Variants in EML6 observed in about 807,000 individuals in gnomAD.
EML6 encodes echinoderm microtubule-associated protein-like 6.
A neutral mutation model predicts 240.1 loss-of-function variants in EML6; 154 were observed. The observed-to-expected ratio is 0.64, with a 90% CI of 0.56 to 0.73. The LOEUF is 0.73. Ranked by LOEUF, EML6 falls within the 30% of genes least tolerant of loss-of-function variation. EML6 has a pLI of 0.00. For missense variants in EML6, 2,964 were observed against 2,474.6 expected (o/e 1.20, Z -4.20); for synonymous variants, 1,148 against 899.0 (o/e 1.28, Z -4.95).
intron 2 of EML6, among the ~76,000 whole-genome samples, chr2:54,754,365 T>C (rs1356604041): frequency 6.6e-6 from 1 of 152,084 alleles, no homozygotes; most frequent in Admixed American, 6.5e-5. Context: ...GAACTGTAAG[T>C]TAGTACATTT....
In EML6 at chr2:54,847,605, T is replaced by A; in HGVS notation, c.1169T>A (p.Phe390Tyr). 6.4e-7 allele frequency: 1 copy of A among 1,552,348 alleles called. No individual in the cohort carries two copies. The highest frequency in any genetic ancestry group is 8.7e-7 in the Non-Finnish European group (1 of 1,147,138). The change falls in exon 9 of 42, where the codon TTC becomes TAC. Residue 390 changes from phenylalanine to tyrosine, a missense_variant. Physicochemically the swap from Phe to Tyr is conservative, Grantham distance 22. Coordinates refer to ENST00000356458, the MANE Select transcript of EML6 (RefSeq NM_001039753.4). ...GCCCTGGGCATGAAGGACGGCTCTT[T>A]CATTGTTCTCCGAGTCAGGCACGTA... ...QLALGMKDGS[F>Y]IVLRVRDMTE...
chr2:54,888,230 G>A lies in EML6; in HGVS notation c.2439-2824G>A, dbSNP rs149385722. The stretch of plus-strand genomic sequence containing the variant: ...TTGGATCTTATAATGCAGTGTGGCC[G>A]GGAGACATGATAGGACTGGATCATG... On this transcript the variant is annotated intron_variant, in intron 17 of 41. Transcript: ENST00000356458. Among the ~76,000 whole-genome samples the A allele has an allele frequency of 6.8e-4, 104 of 152,228 alleles. No individual in the cohort carries two copies. The Middle Eastern group carries it at 0.014, about 20-fold the overall frequency.
At chr2:54,885,113 C>T (rs1384134264) in intron 17 of EML6, among the ~76,000 whole-genome samples, 3 of 151,288 alleles carry the variant, frequency 2.0e-5, no homozygotes, top group African/African-American at 7.3e-5. Flanking sequence ...GCCCAGATTG[C>T]GCCACTGCAC....
At chr2:54,847,383 T>C in intron 8 of EML6, 103 bp from the exon 9 acceptor site, 1 of 1,254,816 alleles carries the variant, frequency 8.0e-7, no homozygotes, top group East Asian at 2.6e-5. Context: ...CCTATGTCTT[T>C]TCTTGTTACT....
intron 17 of EML6, chr2:54,880,425 C>T (rs1216647242): frequency 6.6e-6 from 1 of 152,196 alleles, no homozygotes; most frequent in Non-Finnish European, 1.5e-5. Flanking sequence ...TAGCCTTGAA[C>T]CCCAATATTC....
intron 2 of EML6, among the ~76,000 whole-genome samples, chr2:54,768,996 G>A (rs546507923): frequency 6.6e-6 from 1 of 152,268 alleles, no homozygotes; most frequent in South Asian, 2.1e-4. Flanking sequence ...TTGTCTGTAT[G>A]AGTTTCAGCT....
At position 54,928,716 on chromosome 2, in the gene EML6, A is replaced by G. The variant is rs1407326358; in HGVS notation, c.3969A>G (p.Pro1323=). 1 of 1,551,934 alleles carries G rather than the reference A, an allele frequency of 6.4e-7. No homozygotes were observed. The highest frequency in any genetic ancestry group is 8.7e-7 in the Non-Finnish European group (1 of 1,147,060). The change falls in exon 28 of 42, where the codon CCA becomes CCG. Residue 1323 remains proline (P), a synonymous_variant. Transcript: ENST00000356458. ...VSIREMEGTK[P]HQQLKEVSVE... ...TCAGGGAAATGGAAGGCACCAAGCC[A>G]CACCAGCAGCTGAAGGAAGTTTCCG...
At chr2:54,881,710 C>T (rs1671822111) in intron 17 of EML6, 1 of 151,344 alleles carries the variant, frequency 6.6e-6, no homozygotes, top group African/African-American at 2.4e-5. Flanking sequence ...CGAAGTAATC[C>T]TTAACGGAAT....
rs530711643 is a variant in EML6, at chr2:54,773,926, A to G, written c.198-39306A>G. Among the ~76,000 whole-genome samples the G allele has an allele frequency of 2.2e-3, 335 of 152,310 alleles. 1 individual carries two copies. Among genetic ancestry groups the G allele is most frequent in the Middle Eastern group, 0.014 (4 of 294 alleles). On this transcript the variant is annotated intron_variant, in intron 2 of 41. Transcript: ENST00000356458. Reference sequence around the variant, plus strand: ...GTTTCTGCTACATACCATCAATTCGATTTGATGACTGGCACAGGGCCTCCT... The same window carrying G: ...GTTTCTGCTACATACCATCAATTCGGTTTGATGACTGGCACAGGGCCTCCT...
intron 4 of EML6, among the ~76,000 whole-genome samples, chr2:54,817,679 G>C (rs922740845): frequency 6.6e-6 from 1 of 152,116 alleles, no homozygotes; most frequent in Non-Finnish European, 1.5e-5. Flanking sequence ...AATATCTTAA[G>C]AACGTTTACA....
At chr2:54,755,338 C>A (rs1684352970) in intron 2 of EML6, among the ~76,000 whole-genome samples, 1 of 152,172 alleles carries the variant, frequency 6.6e-6, no homozygotes, top group Non-Finnish European at 1.5e-5. Flanking sequence ...CTTGAGTATT[C>A]TGCGTCCTTT....
At chr2:54,765,462 T>C (rs1668144007) in intron 2 of EML6, among the ~76,000 whole-genome samples, 1 of 152,218 alleles carries the variant, frequency 6.6e-6, no homozygotes, top group Non-Finnish European at 1.5e-5. Flanking sequence ...TTCTTTTATT[T>C]TTATTTTTAT....
chr2:54,936,587 G>A (rs533680254), intron 28 of EML6, among the ~76,000 whole-genome samples: 22 of 152,252 alleles, frequency 1.4e-4, no homozygotes, highest in Admixed American at 8.5e-4. Context: ...ATGTTTTGAA[G>A]AGGATACAAT....
intron 2 of EML6, among the ~76,000 whole-genome samples, chr2:54,729,130 A>G (rs1027874816): frequency 2.6e-5 from 4 of 152,242 alleles, no homozygotes; most frequent in African/African-American, 9.6e-5. Flanking sequence ...GGAGTTTTAA[A>G]GTATCTCCTT....
chr2:54,874,124 C>T (rs1671390372), intron 16 of EML6, among the ~76,000 whole-genome samples: 1 of 151,760 alleles, frequency 6.6e-6, no homozygotes, highest in Non-Finnish European at 1.5e-5. Context: ...TTTTAAATAC[C>T]TTTGGAAGAA....
chr2:54,796,879 C>T (rs1669811449), intron 2 of EML6, among the ~76,000 whole-genome samples: 2 of 151,960 alleles, frequency 1.3e-5, no homozygotes, highest in South Asian at 4.2e-4. Flanking sequence ...GCCAGGTAGT[C>T]ACAAGGCGGG....
At chr2:54,765,102 T>A (rs1558533421) in intron 2 of EML6, among the ~76,000 whole-genome samples, 2 of 152,304 alleles carry the variant, frequency 1.3e-5, no homozygotes, top group East Asian at 3.9e-4. Context: ...TCTGGATATC[T>A]TCCTTTGAGT....
chr2:54,899,121 G>C (rs1476477575), intron 21 of EML6, among the ~76,000 whole-genome samples: 2 of 152,134 alleles, frequency 1.3e-5, no homozygotes, highest in Admixed American at 6.5e-5. Context: ...CTTCTGCTCT[G>C]CCGAATGCTA....
At chr2:54,852,702 A>G (rs77961825) in intron 10 of EML6, among the ~76,000 whole-genome samples, 7,995 of 152,332 alleles carry the variant, frequency 0.052, 265 homozygotes, top group Non-Finnish European at 0.081. Context: ...GTTACAGTCT[A>G]GAATTTTAAG....
Sources: allele counts gnomAD v4.1 joint callset (sites outside exome capture counted in the v4.1 genomes callset), GRCh38; gene constraint gnomAD v4.1.1; transcripts MANE v1.5; gene names NCBI Gene and HGNC (gene_info 2026-07-23, HGNC 2026-07-21).